The following RMDN1 variants were observed in gnomAD, a reference collection of about 807,000 sequenced individuals.
RMDN1 encodes the protein regulator of microtubule dynamics protein 1.
Under a neutral mutation model 48.9 loss-of-function variants are expected in RMDN1, and 48 were observed. That is an observed-to-expected ratio of 0.98 (90% CI 0.78 to 1.25). The LOEUF (loss-of-function observed/expected upper bound fraction) is 1.25. Ranked by LOEUF, RMDN1 falls within the 50% of genes most tolerant of loss-of-function variation. The pLI is 0.00. For missense variants in RMDN1, 418 were observed against 373.4 expected (o/e 1.12, Z -0.98); for synonymous variants, 148 against 132.6 (o/e 1.12, Z -0.80).
intron 2 of RMDN1, among the ~76,000 whole-genome samples, chr8:86,498,368 C>CA (rs1192289441): frequency 1.3e-5 from 2 of 151,806 alleles, no homozygotes; most frequent in African/African-American, 4.8e-5. Context: ...GAAATTATTC[C>CA]AAAAAATCAA....
downstream of RMDN1, among the ~76,000 whole-genome samples, chr8:86,469,191 C>CG (rs896886333): frequency 3.2e-4 from 49 of 151,564 alleles, no homozygotes; most frequent in Non-Finnish European, 6.3e-4. Context: ...TCCCGCCCCC[C>CG]CCATGTACTT....
intron 8 of RMDN1, among the ~76,000 whole-genome samples, chr8:86,475,308 C>T (rs1204224125): frequency 1.3e-5 from 2 of 151,980 alleles, no homozygotes. Flanking sequence ...CCTATGGTAC[C>T]CCACGTGCCT....
intron 5 of RMDN1, among the ~76,000 whole-genome samples, chr8:86,481,006 T>C (rs1306307995): frequency 6.6e-6 from 1 of 152,158 alleles, no homozygotes; most frequent in Non-Finnish European, 1.5e-5. Flanking sequence ...CTGTTCCTCC[T>C]TTTATCCATT....
chr8:86,503,713 G>T, intron 2 of RMDN1: 1 of 473,304 alleles, frequency 2.1e-6, no homozygotes, highest in South Asian at 1.7e-5. Context: ...ATAACACTTT[G>T]AGTGACCAGG....
At chr8:86,474,698 T>C in intron 9 of RMDN1, 122 bp downstream of exon 9, 1 of 939,692 alleles carries the variant, frequency 1.1e-6, no homozygotes, top group South Asian at 1.4e-5. Flanking sequence ...ACACTTGAAA[T>C]GAACACACTT....
At chr8:86,475,352 G>A (rs1251482015) in intron 8 of RMDN1, among the ~76,000 whole-genome samples, 3 of 152,082 alleles carry the variant, frequency 2.0e-5, no homozygotes, top group African/African-American at 7.2e-5. Flanking sequence ...TACATTCAGT[G>A]TACATCGGCT....
chr8:86,509,373 C>T (rs116328789), upstream of RMDN1, among the ~76,000 whole-genome samples: 550 of 152,080 alleles, frequency 3.6e-3, 2 homozygotes, highest in African/African-American at 0.013. Flanking sequence ...TTATTTTACT[C>T]GAGTAAAATA....
chr8:86,474,524 C>G, intron 9 of RMDN1, 166 bp from the exon 10 acceptor site: 1 of 689,810 alleles, frequency 1.4e-6, no homozygotes, highest in South Asian at 1.7e-5. Context: ...AGCTCTTCCA[C>G]TTTAGTACAC....
At chr8:86,500,255 T>C (rs1314155790) in intron 2 of RMDN1, among the ~76,000 whole-genome samples, 7 of 152,064 alleles carry the variant, frequency 4.6e-5, no homozygotes, top group African/African-American at 1.7e-4. Context: ...ACCTACTGAA[T>C]GAAAGAAAAC....
chr8:86,502,556 A>G (rs1318535857), intron 2 of RMDN1, among the ~76,000 whole-genome samples: 1 of 152,174 alleles, frequency 6.6e-6, no homozygotes, highest in African/African-American at 2.4e-5. Flanking sequence ...AAGTTTTAAT[A>G]TACGTTTACT....
chr8:86,470,453 T>C, downstream of RMDN1: 1 of 1,234,332 alleles, frequency 8.1e-7, no homozygotes, highest in Non-Finnish European at 1.0e-6. Context: ...AGAATCAGAA[T>C]CTTGGGAAGG....
chr8:86,495,472 T>C (rs1817187715), intron 2 of RMDN1, among the ~76,000 whole-genome samples: 1 of 152,024 alleles, frequency 6.6e-6, no homozygotes, highest in African/African-American at 2.4e-5. Flanking sequence ...TTGCCATGGG[T>C]ATCCATTCCC....
At chr8:86,468,348 G>A (rs1812281349), downstream of RMDN1, 2 of 449,034 alleles carry the variant, frequency 4.5e-6, no homozygotes, top group Non-Finnish European at 8.9e-6. Flanking sequence ...AAAGACGAAA[G>A]AAAGGCAGAG....
intron 2 of RMDN1, among the ~76,000 whole-genome samples, chr8:86,501,705 T>C (rs1818258367): frequency 7.2e-6 from 1 of 138,534 alleles, no homozygotes; most frequent in South Asian, 2.5e-4. Context: ...CTCTAACATT[T>C]TGACTTTCAA....
At chr8:86,494,801 C>A (rs1489758498) in intron 2 of RMDN1, 1 of 300,496 alleles carries the variant, frequency 3.3e-6, no homozygotes, top group South Asian at 2.6e-5. Context: ...TGGTAAAACC[C>A]CATCTCTTCT....
downstream of RMDN1, among the ~76,000 whole-genome samples, chr8:86,469,491 C>A (rs527994895): frequency 1.5e-3 from 232 of 152,194 alleles, no homozygotes; most frequent in African/African-American, 5.3e-3. Context: ...TGGGGAGATA[C>A]CATTTCATAG....
intron 2 of RMDN1, among the ~76,000 whole-genome samples, chr8:86,492,712 C>G (rs1459755989): frequency 6.6e-6 from 1 of 151,048 alleles, no homozygotes; most frequent in African/African-American, 2.4e-5. Flanking sequence ...AACGTTCCCA[C>G]AGGAGTGCTT....
At chr8:86,485,775 A>T (rs1047056467) in intron 4 of RMDN1, among the ~76,000 whole-genome samples, 1 of 152,144 alleles carries the variant, frequency 6.6e-6, no homozygotes, top group Non-Finnish European at 1.5e-5. Context: ...CACTTCAAAA[A>T]CCCAGGTGCT....
intron 3 of RMDN1, 27 bp from the exon 4 acceptor site, chr8:86,486,670 C>T (rs780825800): frequency 1.9e-6 from 3 of 1,572,524 alleles, no homozygotes; most frequent in East Asian, 4.5e-5. Flanking sequence ...TATAAAACAA[C>T]CATTTTAGCT....
Sources: gnomAD v4.1 joint callset for allele counts (sites outside exome capture counted in the v4.1 genomes callset) on GRCh38, gnomAD v4.1.1 for gene constraint, MANE v1.5 for transcripts, NCBI Gene and HGNC (gene_info 2026-07-23, HGNC 2026-07-21) for gene names.